Variants in PDZD2 observed in about 807,000 individuals in gnomAD.
The protein encoded by PDZD2 is PDZ domain-containing protein 2.
A neutral mutation model predicts 220.7 loss-of-function variants in PDZD2; 90 were observed. That is an observed-to-expected ratio of 0.41 (90% CI 0.34 to 0.49). PDZD2 has a LOEUF of 0.49. Ranked by LOEUF, PDZD2 falls within the 20% of genes least tolerant of loss-of-function variation. The pLI, the probability that PDZD2 is intolerant of heterozygous loss-of-function variation, is 0.28. For synonymous variants in PDZD2, 1,375 were observed against 1,450.5 expected (o/e 0.95, Z 1.18); for missense variants, 3,174 against 3,608.5 (o/e 0.88, Z 3.08).
chr5:32,002,590 CCA>C (rs139562674), intron 5 of PDZD2, among the ~76,000 whole-genome samples: 2 of 143,270 alleles, frequency 1.4e-5, no homozygotes, highest in Admixed American at 7.0e-5. Flanking sequence ...CTCACACATA[CCA>C]CACACACACA....
In PDZD2 at chr5:31,736,599, G is replaced by C. The variant is rs528313217; in HGVS notation, c.-360-62290G>C. Among the ~76,000 whole-genome samples, 10 of 152,290 alleles carry C rather than the reference G, an allele frequency of 6.6e-5. No homozygotes were observed. In the Middle Eastern group the frequency reaches 0.01, roughly 155 times the overall value. On this transcript the variant is annotated intron_variant, in intron 1 of 24. Coordinates refer to ENST00000438447, the MANE Select transcript of PDZD2 (RefSeq NM_178140.4). ...ACTGAAAAGTTTAGAGATGAGCACT[G>C]GTTAATTGCCTTATTTTATTGGCGA...
chr5:31,956,803 G>T (rs1445450641), intron 2 of PDZD2, among the ~76,000 whole-genome samples: 1 of 145,128 alleles, frequency 6.9e-6, no homozygotes, highest in Non-Finnish European at 1.5e-5. Flanking sequence ...AGAGGAAACT[G>T]ATTTCCTCCC....
chr5:31,794,764 C>G (rs1326470815), intron 1 of PDZD2, among the ~76,000 whole-genome samples: 1 of 152,018 alleles, frequency 6.6e-6, no homozygotes, highest in African/African-American at 2.4e-5. Flanking sequence ...GGGTACATAG[C>G]AGGTGTTTAC....
Position 31,856,633 on chromosome 5 carries a change from C to T in PDZD2, c.476+56909C>T, listed in dbSNP as rs574183175. Among the ~76,000 whole-genome samples the T allele has an allele frequency of 1.1e-4, 17 of 152,204 alleles. No homozygotes were observed. The South Asian group carries it at 2.7e-3, about 24-fold the overall frequency. ...AAATTTCCCAGCGGCGCACCTGGCA[C>T]GTAGTAGCGCTTCCCTTGAGCCTCT... On this transcript the variant is annotated intron_variant, in intron 2 of 24. Coordinates refer to ENST00000438447, the MANE Select transcript of PDZD2 (RefSeq NM_178140.4).
At chr5:32,037,627 T>G (rs1755661428) in intron 7 of PDZD2, among the ~76,000 whole-genome samples, 2 of 152,194 alleles carry the variant, frequency 1.3e-5, no homozygotes, top group Non-Finnish European at 2.9e-5. Flanking sequence ...TCGATCAGAT[T>G]TCACATGATC....
Position 31,817,805 on chromosome 5 carries a change from T to C in PDZD2, c.476+18081T>C, listed in dbSNP as rs905492111. On this transcript the variant is annotated intron_variant, in intron 2 of 24. Coordinates refer to ENST00000438447, the MANE Select transcript of PDZD2 (RefSeq NM_178140.4). ...CAGCCTCCCAGGTAGCTGGGACTAC[T>C]GGCACACACCACCAAGTCTGGCTAA... Among the ~76,000 whole-genome samples the C allele has an allele frequency of 4.0e-5, 6 of 151,610 alleles. No individual in the cohort carries two copies. In the East Asian group the frequency reaches 1.2e-3, roughly 30 times the overall value.
At chr5:31,679,868 A>G (rs1242675259) in intron 1 of PDZD2, among the ~76,000 whole-genome samples, 1 of 152,164 alleles carries the variant, frequency 6.6e-6, no homozygotes, top group Non-Finnish European at 1.5e-5. Context: ...ATCCTGTAGT[A>G]TTGAGACTAT....
At chr5:31,955,821 G>A (rs992036928) in intron 2 of PDZD2, among the ~76,000 whole-genome samples, 1 of 151,362 alleles carries the variant, frequency 6.6e-6, no homozygotes, top group African/African-American at 2.4e-5. Flanking sequence ...TCGAAGTTTG[G>A]GTATGTTGGG....
At chr5:31,745,041 C>T (rs975598777) in intron 1 of PDZD2, among the ~76,000 whole-genome samples, 1 of 151,872 alleles carries the variant, frequency 6.6e-6, no homozygotes, top group African/African-American at 2.4e-5. Context: ...CCATTGCACT[C>T]CAGCCTGGGC....
chr5:31,687,095 T>TA (rs5867092), intron 1 of PDZD2, among the ~76,000 whole-genome samples: 3 of 151,782 alleles, frequency 2.0e-5, no homozygotes, highest in South Asian at 2.1e-4. Context: ...CTCATAGATA[T>TA]AAAAAAAGTT....
chr5:32,046,002 T>TA (rs1737915135), intron 7 of PDZD2, among the ~76,000 whole-genome samples: 1 of 152,198 alleles, frequency 6.6e-6, no homozygotes, highest in Admixed American at 6.5e-5. Flanking sequence ...AAACATTACC[T>TA]AGTCTAGGTG....
rs1344041675 is a variant in PDZD2 at position 32,110,916 on chromosome 5, C to T, written c.*2781C>T. 2.0e-5 allele frequency: 3 copies of T among 151,276 alleles called. No homozygotes were observed. The highest frequency in any genetic ancestry group is 7.4e-5 in the African/African-American group (3 of 40,686). 9.4% of individuals were successfully genotyped at this position (151,276 alleles called of 1,614,324 possible). On this transcript the variant is annotated 3_prime_UTR_variant, in exon 25 of 25. Transcript: ENST00000438447. ...TAAGTAATTTTAAAAAAAATAAACA[C>T]TCTGCTTACTACTTGATTTTTTTTT...
At chr5:31,746,572 G>T (rs955219263) in intron 1 of PDZD2, among the ~76,000 whole-genome samples, 1 of 152,178 alleles carries the variant, frequency 6.6e-6, no homozygotes, top group Admixed American at 6.5e-5. Context: ...ATAAAATTAG[G>T]ATACTTGAGA....
Position 31,779,439 on chromosome 5 carries a change from A to G in PDZD2, c.-360-19450A>G, listed in dbSNP as rs550248226. ...GCCCAGGCTGGAGTGCAGTGGCGCAATCTCGGCTCCCTGCAAGCTCCACCT... is the reference window on the plus strand; with the variant it reads ...GCCCAGGCTGGAGTGCAGTGGCGCAGTCTCGGCTCCCTGCAAGCTCCACCT... On this transcript the variant is annotated intron_variant, in intron 1 of 24. Coordinates refer to ENST00000438447, the MANE Select transcript of PDZD2 (RefSeq NM_178140.4). Among the ~76,000 whole-genome samples the G allele has an allele frequency of 3.9e-5, 4 of 101,316 alleles. No individual in the cohort carries two copies. In the East Asian group the frequency reaches 8.1e-4, roughly 21 times the overall value. 66.5% of individuals were successfully genotyped at this position (101,316 alleles called of 152,430 possible).
chr5:32,023,309 C>A (rs1754374204), intron 6 of PDZD2, among the ~76,000 whole-genome samples: 1 of 152,146 alleles, frequency 6.6e-6, no homozygotes, highest in African/African-American at 2.4e-5. Flanking sequence ...CTGAGGTCCC[C>A]ACCGTCTCCC....
intron 19 of PDZD2, among the ~76,000 whole-genome samples, chr5:32,086,111 C>T (rs985336337): frequency 2.0e-5 from 3 of 152,200 alleles, no homozygotes; most frequent in Admixed American, 2.0e-4. Context: ...ACAGCCAGAG[C>T]TCGGTGTAGA....
In PDZD2 at chr5:32,093,042, A is replaced by G. The variant is rs369434264; in HGVS notation, c.7845+18A>G. On this transcript the variant is annotated intron_variant, in intron 21 of 24. Transcript: ENST00000438447. ...AATCAGAGGTGAGTGAAACACAGAA[A>G]GCTCAGGAACATGAATTGCGGCCGC... The G allele has an allele frequency of 4.6e-6, 6 of 1,303,220 alleles. No homozygotes were observed. The African/African-American group carries it at 8.8e-5, about 19-fold the overall frequency. The allele number at this position is 1,303,220 out of a possible 1,614,324, so 80.7% of individuals were successfully genotyped here.
At chr5:31,690,008 G>A (rs542521917) in intron 1 of PDZD2, among the ~76,000 whole-genome samples, 7 of 152,194 alleles carry the variant, frequency 4.6e-5, no homozygotes, top group South Asian at 4.1e-4. Flanking sequence ...TTGAAACGGC[G>A]TGTCCTGTCC....
intron 2 of PDZD2, among the ~76,000 whole-genome samples, chr5:31,892,511 A>C (rs1741130951): frequency 6.6e-6 from 1 of 152,156 alleles, no homozygotes; most frequent in South Asian, 2.1e-4. Flanking sequence ...TTGGGCATCT[A>C]CTGTGTGCCA....
Sources: gnomAD v4.1 joint callset for allele counts (sites outside exome capture counted in the v4.1 genomes callset) on GRCh38, gnomAD v4.1.1 for gene constraint, MANE v1.5 for transcripts, NCBI Gene and HGNC (gene_info 2026-07-23, HGNC 2026-07-21) for gene names.